The following TTBK2 variants were observed in gnomAD, a reference collection of about 807,000 sequenced individuals.
TTBK2 encodes tau tubulin kinase 2.
In TTBK2, 28 loss-of-function variants were observed where a neutral mutation model predicts 110.8. That is an observed-to-expected ratio of 0.25 (90% CI 0.19 to 0.35). The LOEUF is 0.35. TTBK2 is among the 10% of genes least tolerant of loss of function. The pLI is 1.00. For synonymous variants in TTBK2, 532 were observed against 527.3 expected, an observed-to-expected ratio of 1.01 and a Z score of -0.12; for missense variants, 1,369 against 1,500.3, an observed-to-expected ratio of 0.91 and a Z score of 1.45.
intron 3 of TTBK2, among the ~76,000 whole-genome samples, chr15:42,844,366 C>T (rs1040700157): frequency 7.9e-5 from 12 of 152,236 alleles, no homozygotes; most frequent in South Asian, 6.2e-4. Context: ...AGTTACCAGC[C>T]TGGACAACAT....
intron 3 of TTBK2, among the ~76,000 whole-genome samples, chr15:42,862,794 T>C (rs551258741): frequency 6.6e-6 from 1 of 152,116 alleles, no homozygotes; most frequent in East Asian, 1.9e-4. Flanking sequence ...AGGCTGAAGC[T>C]GGAGAATCGC....
At chr15:42,896,692 C>T (rs1027780288) in intron 1 of TTBK2, among the ~76,000 whole-genome samples, 2 of 151,946 alleles carry the variant, frequency 1.3e-5, no homozygotes, top group African/African-American at 4.8e-5. Flanking sequence ...TACTGGGAGG[C>T]TAAGGCAAGA....
chr15:42,890,252 T>C (rs1895403827), intron 1 of TTBK2, among the ~76,000 whole-genome samples: 6 of 152,264 alleles, frequency 3.9e-5, no homozygotes, highest in Admixed American at 2.0e-4. Flanking sequence ...CAACCCTTGC[T>C]GACTCTCTTT....
intron 1 of TTBK2, among the ~76,000 whole-genome samples, chr15:42,902,501 G>A (rs2030107586): frequency 6.6e-6 from 1 of 151,300 alleles, no homozygotes; most frequent in Non-Finnish European, 1.5e-5. Flanking sequence ...GCCTGGGCAA[G>A]AAGAGTGAAA....
chr15:42,751,669 G>A (rs1018897647), intron 14 of TTBK2, among the ~76,000 whole-genome samples: 4 of 152,218 alleles, frequency 2.6e-5, no homozygotes, highest in Admixed American at 2.0e-4. Context: ...TCTTGAACCC[G>A]GGATGCAGAG....
chr15:42,816,090 AT>A (rs1567040838), intron 7 of TTBK2, among the ~76,000 whole-genome samples: 1,727 of 96,730 alleles, frequency 0.018, 32 homozygotes, highest in East Asian at 0.047. Context: ...AAATAAATAT[AT>A]ATATATATAT....
At chr15:42,874,419 C>A (rs1894732476) in intron 2 of TTBK2, among the ~76,000 whole-genome samples, 1 of 151,896 alleles carries the variant, frequency 6.6e-6, no homozygotes, top group South Asian at 2.1e-4. Flanking sequence ...TGGGTTCAAG[C>A]AATTCTCCTG....
intron 13 of TTBK2, among the ~76,000 whole-genome samples, chr15:42,756,038 A>C (rs2061940962): frequency 6.6e-6 from 1 of 151,800 alleles, no homozygotes; most frequent in Non-Finnish European, 1.5e-5. Context: ...TCTACTAAAA[A>C]TACAAAAAAT....
At chr15:42,883,052 G>A (rs966307555) in intron 1 of TTBK2, among the ~76,000 whole-genome samples, 1 of 152,050 alleles carries the variant, frequency 6.6e-6, no homozygotes, top group African/African-American at 2.4e-5. Flanking sequence ...TGGCTGAAGG[G>A]ATTTCCAATG....
chr15:42,831,022 ATGTGTG>A (rs67420749), intron 4 of TTBK2, among the ~76,000 whole-genome samples: 98 of 145,546 alleles, frequency 6.7e-4, no homozygotes, highest in East Asian at 2.4e-3. Flanking sequence ...AAATGTATAT[ATGTGTG>A]TGTGTGTGTG....
At chr15:42,835,852 C>T (rs1172662226) in intron 4 of TTBK2, among the ~76,000 whole-genome samples, 2 of 152,082 alleles carry the variant, frequency 1.3e-5, no homozygotes, top group South Asian at 2.1e-4. Flanking sequence ...ACAAGATTAG[C>T]CATATACTGA....
intron 13 of TTBK2, among the ~76,000 whole-genome samples, chr15:42,758,388 G>C (rs1202491186): frequency 6.6e-6 from 1 of 152,122 alleles, no homozygotes; most frequent in Non-Finnish European, 1.5e-5. Context: ...GGGCGCGGTG[G>C]CTCACGCCTG....
intron 5 of TTBK2, among the ~76,000 whole-genome samples, chr15:42,829,059 T>C (rs1318634415): frequency 1.3e-5 from 2 of 152,238 alleles, no homozygotes; most frequent in East Asian, 3.8e-4. Context: ...AGAAATAGAC[T>C]GACTCTACTA....
chr15:42,902,041 C>T (rs1323720969), intron 1 of TTBK2, among the ~76,000 whole-genome samples: 1 of 151,764 alleles, frequency 6.6e-6, no homozygotes, highest in African/African-American at 2.4e-5. Context: ...CATGGTGAAA[C>T]CCCATCTCTA....
At chr15:42,914,816 T>C (rs146731237) in intron 1 of TTBK2, among the ~76,000 whole-genome samples, 4 of 152,352 alleles carry the variant, frequency 2.6e-5, no homozygotes, top group East Asian at 1.9e-4. Context: ...CTGTGGCTGA[T>C]GAAACAGAAA....
At chr15:42,764,482 G>A (rs974246179) in intron 13 of TTBK2, among the ~76,000 whole-genome samples, 7 of 152,364 alleles carry the variant, frequency 4.6e-5, no homozygotes, top group Admixed American at 1.3e-4. Context: ...CGGGTCCCAC[G>A]CCCACGGAGC....
Position 42,817,104 on chromosome 15 carries a change from C to G in TTBK2, c.538-7G>C, listed in dbSNP as rs549032382. The G allele has an allele frequency of 1.1e-5, 18 of 1,602,456 alleles. No homozygotes were observed. Among genetic ancestry groups the G allele is most frequent in the Non-Finnish European group, 1.4e-5 (17 of 1,173,038 alleles). ...AACCTGCCACAGCTCGAGGCTACAA[C>G]GAAGCCATGCAAAGAATAATAAATG... On this transcript the variant is annotated splice_polypyrimidine_tract_variant and splice_region_variant and intron_variant, in intron 6 of 14. Coordinates refer to ENST00000267890, the MANE Select transcript of TTBK2 (RefSeq NM_173500.4).
intron 10 of TTBK2, among the ~76,000 whole-genome samples, chr15:42,792,345 AT>A (rs567309876): frequency 1.3e-5 from 2 of 151,876 alleles, no homozygotes; most frequent in East Asian, 1.9e-4. Context: ...TAATTCTTTG[AT>A]TTTTTTTCCC....
chr15:42,795,757 T>C (rs1203354934), intron 9 of TTBK2, among the ~76,000 whole-genome samples: 1 of 148,972 alleles, frequency 6.7e-6, no homozygotes, highest in Non-Finnish European at 1.5e-5. Flanking sequence ...GCATGAGAAT[T>C]GCTTGAACCT....
Sources: allele counts gnomAD v4.1 joint callset (sites outside exome capture counted in the v4.1 genomes callset), GRCh38; gene constraint gnomAD v4.1.1; transcripts MANE v1.5; gene names NCBI Gene and HGNC (gene_info 2026-07-23, HGNC 2026-07-21).